NTN1: variants seen among roughly 807,000 people sequenced by gnomAD.
The protein encoded by NTN1 is netrin-1.
In NTN1, 11 loss-of-function variants were observed where a neutral mutation model predicts 54.2. The ratio of observed to expected loss-of-function variants is 0.20; its 90% confidence interval spans 0.13 to 0.34. The LOEUF is 0.34. NTN1 is among the 10% of genes least tolerant of loss of function. NTN1 has a pLI of 1.00. For synonymous variants in NTN1, 371 were observed against 382.0 expected, an observed-to-expected ratio of 0.97 and a Z score of 0.33; for missense variants, 740 against 893.1, an observed-to-expected ratio of 0.83 and a Z score of 2.18.
intron 2 of NTN1, among the ~76,000 whole-genome samples, chr17:9,047,899 T>C (rs914127792): frequency 3.3e-5 from 5 of 152,114 alleles, no homozygotes; most frequent in East Asian, 3.9e-4. Context: ...TTTCACTATA[T>C]TGGCCAGGAT....
At chr17:9,028,481 G>C (rs80308308) in intron 2 of NTN1, among the ~76,000 whole-genome samples, 3,657 of 152,236 alleles carry the variant, frequency 0.024, 144 homozygotes, top group African/African-American at 0.084. Flanking sequence ...GTGGGTCTGC[G>C]TGTTTCCAGG....
intron 2 of NTN1, among the ~76,000 whole-genome samples, chr17:9,074,346 G>A (rs781584706): frequency 7.9e-5 from 12 of 152,208 alleles, no homozygotes; most frequent in Non-Finnish European, 1.3e-4. Context: ...GTCTCTCTGC[G>A]CGTGGCCTTG....
chr17:9,028,663 C>T (rs2091879196), intron 2 of NTN1, among the ~76,000 whole-genome samples: 1 of 152,226 alleles, frequency 6.6e-6, no homozygotes, highest in Non-Finnish European at 1.5e-5. Flanking sequence ...GTTTTCTGCT[C>T]ACAGCTGGTG....
At chr17:9,167,702 C>T (rs2092376938) in intron 3 of NTN1, among the ~76,000 whole-genome samples, 1 of 152,190 alleles carries the variant, frequency 6.6e-6, no homozygotes, top group Non-Finnish European at 1.5e-5. Context: ...TACTTCCGTC[C>T]ACCCCTTATT....
intron 2 of NTN1, among the ~76,000 whole-genome samples, chr17:9,056,927 G>A (rs1013150434): frequency 9.8e-5 from 15 of 152,298 alleles, no homozygotes; most frequent in African/African-American, 2.9e-4. Context: ...AACGCCTTTC[G>A]TGCCTGCGTG....
upstream of NTN1, among the ~76,000 whole-genome samples, chr17:9,017,274 C>T (rs2091833800): frequency 6.6e-6 from 1 of 152,134 alleles, no homozygotes; most frequent in African/African-American, 2.4e-5. Flanking sequence ...GTTGTCTACA[C>T]CTGCTATTTC....
chr17:9,137,646 T>C (rs575706816), intron 2 of NTN1, among the ~76,000 whole-genome samples: 3 of 152,082 alleles, frequency 2.0e-5, no homozygotes, highest in East Asian at 1.9e-4. Context: ...TACAAAAAAT[T>C]AGCTGAGTGT....
At chr17:9,142,747 C>G (rs565392138) in intron 2 of NTN1, among the ~76,000 whole-genome samples, 1 of 152,166 alleles carries the variant, frequency 6.6e-6, no homozygotes, top group Non-Finnish European at 1.5e-5. Flanking sequence ...AAAAGTCTGT[C>G]CTTATGGAGC....
At chr17:9,168,866 T>C (rs966797733) in intron 3 of NTN1, among the ~76,000 whole-genome samples, 1 of 152,150 alleles carries the variant, frequency 6.6e-6, no homozygotes, top group Non-Finnish European at 1.5e-5. Flanking sequence ...GGAAAAGGGT[T>C]GGTCATCTGA....
rs1491305006 is a variant in NTN1 at position 9,114,143 on chromosome 17, C to CA, written c.1019-48661dup. 2.8e-3 allele frequency among the ~76,000 whole-genome samples: 168 copies of CA among 61,030 alleles called. 3 individuals are homozygous for CA. The highest frequency in any genetic ancestry group is 9.2e-3 in the African/African-American group (149 of 16,154). 40.0% of individuals were successfully genotyped at this position (61,030 alleles called of 152,430 possible). On this transcript the variant is annotated intron_variant, in intron 2 of 6. Coordinates refer to ENST00000173229, the MANE Select transcript of NTN1 (RefSeq NM_004822.3). ...CGCCACTGCACTCTAGCCTGGGTGC[C>CA]AAAAAAAAAGAAAAAAAAAAAAAAT...
chr17:9,003,645 A>C, the NTN1 span, among the ~76,000 whole-genome samples: 6 of 147,598 alleles, frequency 4.1e-5, no homozygotes, highest in Middle Eastern at 3.5e-3. The surrounding 1 kb of genome is among the most constrained non-coding windows in gnomAD (Gnocchi z 7.4). Context: ...TCGGCGCTGC[A>C]CCCCTCGCTT....
chr17:9,079,497 C>A (rs2092063169), intron 2 of NTN1, among the ~76,000 whole-genome samples: 1 of 152,196 alleles, frequency 6.6e-6, no homozygotes, highest in Non-Finnish European at 1.5e-5. Context: ...CCTCTAGCAC[C>A]CCTTCTAGCT....
chr17:9,134,308 C>G (rs1167049616), intron 2 of NTN1, among the ~76,000 whole-genome samples: 2 of 152,158 alleles, frequency 1.3e-5, no homozygotes, highest in African/African-American at 4.8e-5. Flanking sequence ...TGTCCTCTTT[C>G]CCCCAGATGA....
chr17:9,059,681 A>G (rs1012557901), intron 2 of NTN1, among the ~76,000 whole-genome samples: 2 of 152,172 alleles, frequency 1.3e-5, no homozygotes, highest in African/African-American at 4.8e-5. Flanking sequence ...ACTGCCTAGT[A>G]AGTTATGGAA....
chr17:9,154,298 T>C (rs895299034), intron 2 of NTN1, among the ~76,000 whole-genome samples: 4 of 152,270 alleles, frequency 2.6e-5, no homozygotes, highest in African/African-American at 7.2e-5. Context: ...GCACCTTGCA[T>C]GGTGCCCAGA....
chr17:9,044,295 C>T (rs1011803948), intron 2 of NTN1, among the ~76,000 whole-genome samples: 21 of 151,554 alleles, frequency 1.4e-4, no homozygotes, highest in African/African-American at 4.1e-4. Flanking sequence ...AGTGCAATGG[C>T]GCGATCTCGG....
intron 2 of NTN1, among the ~76,000 whole-genome samples, chr17:9,125,603 G>GTTAT (rs1009812459): frequency 4.6e-5 from 7 of 151,578 alleles, no homozygotes; most frequent in South Asian, 4.2e-4. Context: ...CTATTTGAGG[G>GTTAT]TTATTTATTT....
At chr17:9,100,613 G>A (rs992877300) in intron 2 of NTN1, among the ~76,000 whole-genome samples, 36 of 152,198 alleles carry the variant, frequency 2.4e-4, no homozygotes, top group African/African-American at 8.2e-4. Flanking sequence ...ATCTGCATAT[G>A]CATATCTTAT....
chr17:9,024,644 G>A (rs747546523), intron 2 of NTN1, among the ~76,000 whole-genome samples: 2 of 152,164 alleles, frequency 1.3e-5, no homozygotes, highest in Non-Finnish European at 2.9e-5. Context: ...TTGAGCAAGG[G>A]AATGGAAAAC....
Sources: gnomAD v4.1 joint callset for allele counts (sites outside exome capture counted in the v4.1 genomes callset) on GRCh38, gnomAD v4.1.1 for gene constraint, Gnocchi (gnomAD v3.1) non-coding constraint, MANE v1.5 for transcripts, NCBI Gene and HGNC (gene_info 2026-07-23, HGNC 2026-07-21) for gene names.